Variants in ZDHHC4 observed in about 807,000 individuals in gnomAD.
ZDHHC4 encodes the protein palmitoyltransferase ZDHHC4.
In ZDHHC4, 42 loss-of-function variants were observed where a neutral mutation model predicts 36.7. The ratio of observed to expected loss-of-function variants is 1.14; its 90% CI spans 0.89 to 1.48. The LOEUF (loss-of-function observed/expected upper bound fraction) is 1.48. Among genes scored for constraint, ZDHHC4 ranks in the 40% most tolerant of loss-of-function variants. The pLI is 0.00. For synonymous variants in ZDHHC4, 189 were observed against 166.6 expected (o/e 1.13, Z -1.03); for missense variants, 457 against 421.5 (o/e 1.08, Z -0.74).
intron 6 of ZDHHC4, chr7:6,584,757 G>C: frequency 2.0e-6 from 1 of 495,268 alleles, no homozygotes; most frequent in African/African-American, 1.9e-5. Context: ...CCTAGCCTCT[G>C]AGTAGCTGGG....
rs146715309 is a variant in ZDHHC4, at chr7:6,585,209, C to A, written c.690C>A (p.Tyr230Ter). The A allele has an allele frequency of 6.2e-7, 1 of 1,614,204 alleles. No individual in the cohort carries two copies. The highest frequency in any genetic ancestry group is 1.3e-5 in the African/African-American group (1 of 75,044). The change falls in exon 7 of 8, where the codon TAC becomes TAA. Residue 230 changes from tyrosine to a stop codon, truncating the protein, a stop_gained. Coordinates refer to ENST00000335965, the MANE Select transcript of ZDHHC4 (RefSeq NM_001134389.2). LOFTEE classifies it high-confidence loss of function. ...TGTCAGATTTATACCAGGAGACTTACATCGATGACCTTGGACACCTCCATG... is the reference window on the plus strand; with the variant it reads ...TGTCAGATTTATACCAGGAGACTTAAATCGATGACCTTGGACACCTCCATG... ...VVMSDLYQETYIDDLGHLHVM... is the reference protein window; with the variant it reads ...VVMSDLYQET
intron 5 of ZDHHC4, among the ~76,000 whole-genome samples, chr7:6,582,726 C>T (rs1235050646): frequency 1.3e-5 from 2 of 152,108 alleles, no homozygotes; most frequent in African/African-American, 4.8e-5. Flanking sequence ...CCATGTTGTC[C>T]AGGCTGGTCT....
At chr7:6,588,198 T>G (rs1024767857) in intron 7 of ZDHHC4, among the ~76,000 whole-genome samples, 1 of 152,150 alleles carries the variant, frequency 6.6e-6, no homozygotes, top group East Asian at 1.9e-4. Flanking sequence ...GGAAAAAAAC[T>G]TCGGAAGAGG....
At chr7:6,583,922 A>T (rs10235760) in intron 6 of ZDHHC4, 58,862 of 150,864 alleles carry the variant, frequency 0.39, 12,097 homozygotes, top group African/African-American at 0.55. Flanking sequence ...AATACAAAAG[A>T]TGTAGTCCTG....
At position 6,589,122 on chromosome 7, in the gene ZDHHC4, G is replaced by A. The variant is rs1418542041; in HGVS notation, c.*212G>A. 1 of 580,354 alleles carries A rather than the reference G, an allele frequency of 1.7e-6. No individual in the cohort carries two copies. Among genetic ancestry groups the A allele is most frequent in the African/African-American group, 1.9e-5 (1 of 53,500 alleles). The allele number at this position is 580,354 out of a possible 1,614,324, so 36.0% of individuals were successfully genotyped here. On this transcript the variant is annotated 3_prime_UTR_variant, in exon 8 of 8. Transcript: ENST00000335965. ...GCATCTCTGAAGTCCTGGTGTCAAGGGGATCAAGAGATGACTTCTCAGAGG... is the reference window on the plus strand; with the variant it reads ...GCATCTCTGAAGTCCTGGTGTCAAGAGGATCAAGAGATGACTTCTCAGAGG...
chr7:6,583,410 C>A lies in ZDHHC4; in HGVS notation c.475C>A (p.Pro159Thr), dbSNP rs1199845205. Residue 159 changes from proline (P) to threonine (T), a missense_variant, in exon 6 of 8, where the codon CCA becomes ACA. Pro to Thr is a conservative substitution (Grantham distance 38). Coordinates refer to ENST00000335965, the MANE Select transcript of ZDHHC4 (RefSeq NM_001134389.2). ...VRCSTCDLRK[P>T]ARSKHCSVCN... is the part of the protein sequence containing the mutation. The stretch of plus-strand genomic sequence containing the variant: ...GTGCTCTACTTGTGATTTAAGGAAA[C>A]CAGCTCGATCCAAGCACTGCAGTGA... 6.2e-7 allele frequency: 1 copy of A among 1,613,084 alleles called. No homozygotes were observed. Among genetic ancestry groups the A allele is most frequent in the Non-Finnish European group, 8.5e-7 (1 of 1,179,394 alleles).
At position 6,581,875 on chromosome 7, in the gene ZDHHC4, C is replaced by A. The variant is rs549692429; in HGVS notation, c.191+195C>A. ...CTTTTGAGATGGAGGTTTTAACTTG[C>A]CTACTTTTAAAAAGCGATATTTACA... On this transcript the variant is annotated intron_variant, in intron 4 of 7. Coordinates refer to ENST00000335965, the MANE Select transcript of ZDHHC4 (RefSeq NM_001134389.2). Among the ~76,000 whole-genome samples, 11 of 152,232 alleles carry A rather than the reference C, an allele frequency of 7.2e-5. No individual in the cohort carries two copies. In the South Asian group the frequency reaches 2.1e-3, roughly 29 times the overall value.
In ZDHHC4 at chr7:6,577,996, A is replaced by AT. The variant is rs1032754459; in HGVS notation, c.-163+506dup. 2.4e-4 allele frequency among the ~76,000 whole-genome samples: 37 copies of AT among 151,924 alleles called. 1 individual carries two copies. Among genetic ancestry groups the AT allele is most frequent in the African/African-American group, 8.0e-4 (33 of 41,450 alleles). ...AGGCATGCGCCATCACGCCCAGCTA[A>AT]TTTTTTTTGTATTTAGTAGAGACGG... On this transcript the variant is annotated intron_variant, in intron 1 of 7. Coordinates refer to ENST00000335965, the MANE Select transcript of ZDHHC4 (RefSeq NM_001134389.2).
At chr7:6,578,263 G>A (rs964182163) in intron 1 of ZDHHC4, among the ~76,000 whole-genome samples, 2 of 152,050 alleles carry the variant, frequency 1.3e-5, no homozygotes, top group African/African-American at 2.4e-5. Flanking sequence ...AAGTAGCTGG[G>A]ACCACAGGCG....
At chr7:6,588,025 C>T (rs1398455460) in intron 7 of ZDHHC4, among the ~76,000 whole-genome samples, 1 of 152,166 alleles carries the variant, frequency 6.6e-6, no homozygotes, top group Non-Finnish European at 1.5e-5. Flanking sequence ...GCCACCACAC[C>T]CGGCTAACTT....
In ZDHHC4 at chr7:6,580,987, C is replaced by A. The variant is rs533874488; in HGVS notation, c.117+309C>A. The A allele has an allele frequency of 3.9e-5, 14 of 359,082 alleles. No homozygotes were observed. In the Admixed American group the frequency reaches 5.6e-4, roughly 14 times the overall value. The allele number at this position is 359,082 out of a possible 1,614,324, so 22.2% of individuals were successfully genotyped here. A position where few individuals can be genotyped will look rare whatever the true frequency, so the allele number is the denominator to read the frequency against. On this transcript the variant is annotated intron_variant, in intron 3 of 7. Transcript: ENST00000335965. ...TCGTTGATGGCAGTTGTGGGATATT[C>A]CACAGCCTCTGTCTGTGTGGGTTTT...
chr7:6,578,122 G>A (rs112137370), intron 1 of ZDHHC4, among the ~76,000 whole-genome samples: 3 of 151,752 alleles, frequency 2.0e-5, no homozygotes, highest in Admixed American at 6.6e-5. Context: ...GAGCCACCGC[G>A]CCCGGCCTCT....
Position 6,583,361 on chromosome 7 carries a change from A to G in ZDHHC4, c.426A>G (p.Glu142=). 6.8e-6 allele frequency: 11 copies of G among 1,613,924 alleles called. No homozygotes were observed. The highest frequency in any genetic ancestry group is 9.3e-6 in the Non-Finnish European group (11 of 1,179,934). Residue 142 remains glutamate, a synonymous_variant, in exon 6 of 8, where the codon GAA becomes GAG. Transcript: ENST00000335965. ...TTCTTCATGTTTATGAATTTGATGA[A>G]GTGATGTTTCCAAAGAACGTGAGGT... is the stretch of plus-strand genomic sequence containing the variant. The part of the protein sequence containing the change: ...LLFLHVYEFD[E]VMFPKNVRCS...
chr7:6,577,566 C>T (rs773896904), intron 1 of ZDHHC4, 68 bp downstream of exon 1: 1 of 152,286 alleles, frequency 6.6e-6, no homozygotes, highest in Non-Finnish European at 1.5e-5. Context: ...CCTCCTCTGA[C>T]CCTCCCTTTC....
At chr7:6,583,191 G>T in intron 5 of ZDHHC4, 115 bp from the exon 6 acceptor site, 15 of 1,091,498 alleles carry the variant, frequency 1.4e-5, no homozygotes, top group East Asian at 5.5e-5. Flanking sequence ...AAAAAAAAAA[G>T]AATTACTTAC....
intron 6 of ZDHHC4, 57 bp downstream of exon 6, chr7:6,583,488 G>A (rs763036460): frequency 9.6e-6 from 15 of 1,563,160 alleles, no homozygotes; most frequent in East Asian, 2.3e-5. Context: ...TGTGGGCTTC[G>A]TCTGTGAGGG....
chr7:6,586,554 C>CA (rs1247551186), intron 7 of ZDHHC4, among the ~76,000 whole-genome samples: 3 of 152,170 alleles, frequency 2.0e-5, no homozygotes, highest in Non-Finnish European at 4.4e-5. Context: ...TGGCTCACTG[C>CA]AACCTCTGCC....
chr7:6,577,524 G>A (rs1780505734), intron 1 of ZDHHC4, 26 bp downstream of exon 1: 2 of 152,242 alleles, frequency 1.3e-5, no homozygotes, highest in African/African-American at 4.8e-5. Flanking sequence ...CGGGGCTGTG[G>A]GAAGCTTGGG....
chr7:6,585,335 G>GAAGTT, intron 7 of ZDHHC4, 75 bp downstream of exon 7: 1 of 1,558,500 alleles, frequency 6.4e-7, no homozygotes, highest in East Asian at 2.3e-5. Context: ...GTAAAAGCAT[G>GAAGTT]AAGTTAGGTG....
Sources: gnomAD v4.1 joint callset for allele counts (sites outside exome capture counted in the v4.1 genomes callset) on GRCh38, gnomAD v4.1.1 for gene constraint, MANE v1.5 for transcripts, NCBI Gene and HGNC (gene_info 2026-07-23, HGNC 2026-07-21) for gene names.